MACF1: variants seen among roughly 807,000 people sequenced by gnomAD.
The protein encoded by MACF1 is microtubule-actin cross-linking factor 1.
A neutral mutation model predicts 854.8 loss-of-function variants in MACF1; 193 were observed. That is an observed-to-expected ratio of 0.23 (90% CI 0.20 to 0.25). The LOEUF (loss-of-function observed/expected upper bound fraction) is 0.25. Among genes scored for constraint, MACF1 ranks in the 10% least tolerant of loss-of-function variants. The pLI, the probability that MACF1 is intolerant of heterozygous loss-of-function variation, is 1.00. For synonymous variants in MACF1, 3,185 were observed against 3,226.7 expected, an observed-to-expected ratio of 0.99 and a Z score of 0.44; for missense variants, 7,722 against 8,929.1, an observed-to-expected ratio of 0.86 and a Z score of 5.45.
rs1023658745 is a variant in MACF1, at chr1:39,316,424, A to G, written c.3483A>G (p.Ile1161Met). ...LKTVDVIVRS[I>M]QDAELLVKGY... ...CAGTTGATGTTATAGTACGTAGCAT[A>G]CAGGATGCTGAACTCTTGGTCAAAG... is the stretch of plus-strand genomic sequence containing the variant. Residue 1161 changes from isoleucine (I) to methionine (M), a missense_variant, in exon 28 of 101, where the codon ATA becomes ATG. By Grantham distance (10) the Ile-to-Met change is conservative. Coordinates refer to ENST00000564288, the MANE Select transcript of MACF1 (RefSeq NM_001394062.1). 4 of 1,613,812 alleles carry G rather than the reference A, an allele frequency of 2.5e-6. No individual in the cohort carries two copies. Among genetic ancestry groups the G allele is most frequent in the Non-Finnish European group, 3.4e-6 (4 of 1,179,856 alleles).
intron 6 of MACF1, chr1:39,260,286 C>T: frequency 6.6e-6 from 1 of 151,816 alleles, no homozygotes; most frequent in East Asian, 1.9e-4. Flanking sequence ...AATTCTTAAT[C>T]TCCCCTAGGA....
chr1:39,105,691 A>T lies in MACF1; in HGVS notation c.220+21253A>T. 8.1e-7 allele frequency: 1 copy of T among 1,231,626 alleles called. No individual in the cohort carries two copies. Among genetic ancestry groups the T allele is most frequent in the Non-Finnish European group, 1.0e-6 (1 of 959,862 alleles). 76.3% of individuals were successfully genotyped at this position (1,231,626 alleles called of 1,614,324 possible). The stretch of plus-strand genomic sequence containing the variant: ...CAGGAGAAGGAGTTCGTGCAGGCGT[A>T]CGAGGATGTGCTGGAGCGGTACAAA... On this transcript the variant is annotated intron_variant, in intron 2 of 93. Transcript: ENST00000361689. This position sits in a 1 kb window ranked among gnomAD's most constrained non-coding sequence, Gnocchi z 5.9.
intron 11 of MACF1, 38 bp downstream of exon 11, chr1:39,284,466 C>T: frequency 7.4e-7 from 1 of 1,352,392 alleles, no homozygotes; most frequent in South Asian, 1.4e-5. Context: ...TTGGGGTTTG[C>T]TGGTCTGTAC....
At chr1:39,156,747 C>T (rs1643696613) in intron 2 of MACF1, among the ~76,000 whole-genome samples, 1 of 152,190 alleles carries the variant, frequency 6.6e-6, no homozygotes, top group Admixed American at 6.5e-5. Context: ...CTATATCCTA[C>T]TGTCTAATTT....
chr1:39,395,297 A>G (rs1184713465), intron 58 of MACF1, among the ~76,000 whole-genome samples: 2 of 152,216 alleles, frequency 1.3e-5, no homozygotes, highest in Non-Finnish European at 2.9e-5. Context: ...ATTGCCACCT[A>G]TACATGGGAA....
upstream of MACF1, among the ~76,000 whole-genome samples, chr1:39,200,559 C>A (rs367672048): frequency 1.3e-5 from 2 of 151,866 alleles, no homozygotes; most frequent in Non-Finnish European, 2.9e-5. Context: ...ATTAGCCGGG[C>A]GTGGTGGTGG....
intron 28 of MACF1, 73 bp from the exon 29 acceptor site, chr1:39,317,141 G>T (rs995539130): frequency 1.9e-5 from 28 of 1,454,960 alleles, no homozygotes; most frequent in Middle Eastern, 4.3e-4. Flanking sequence ...CCGTGTCCTT[G>T]TTTCCCACCT....
At position 39,287,529 on chromosome 1, in the gene MACF1, G is replaced by A. The variant is rs1395932046; in HGVS notation, c.1752G>A (p.Val584=). 9 of 1,614,084 alleles carry A rather than the reference G, an allele frequency of 5.6e-6. 1 individual carries two copies. The highest frequency in any genetic ancestry group is 7.6e-6 in the Non-Finnish European group (9 of 1,180,038). Residue 584 remains valine (V), a synonymous_variant, in exon 15 of 101, where the codon GTG becomes GTA. Transcript: ENST00000564288. ...SSEDEGNLRF[V]YELLSWVEEM... ...AAGATGAAGGCAATCTCCGATTTGT[G>A]TATGAACTACTGTCTTGGGTAGAAG...
intron 58 of MACF1, among the ~76,000 whole-genome samples, chr1:39,406,597 C>T (rs190819874): frequency 8.8e-4 from 133 of 151,912 alleles, no homozygotes; most frequent in African/African-American, 2.9e-3. Flanking sequence ...TAACTGGGTG[C>T]GGTGGCGCAT....
chr1:39,244,317 T>C (rs1644958160), intron 2 of MACF1, among the ~76,000 whole-genome samples: 2 of 152,042 alleles, frequency 1.3e-5, no homozygotes, highest in African/African-American at 4.8e-5. Flanking sequence ...AGTCGTGCAC[T>C]GTCACCCAGG....
chr1:39,465,590 G>A (rs1644651008), intron 95 of MACF1, among the ~76,000 whole-genome samples: 2 of 152,030 alleles, frequency 1.3e-5, no homozygotes, highest in South Asian at 4.2e-4. Flanking sequence ...TGTGGAGATC[G>A]TAATTGGCCG....
chr1:39,177,023 T>A (rs533870683), intron 2 of MACF1, among the ~76,000 whole-genome samples: 1 of 152,340 alleles, frequency 6.6e-6, no homozygotes, highest in South Asian at 2.1e-4. Flanking sequence ...TTCAAAGATA[T>A]ATTTGAGAAT....
intron 2 of MACF1, chr1:39,102,907 C>T: frequency 1.4e-6 from 1 of 702,288 alleles, no homozygotes; most frequent in South Asian, 1.5e-5. Context: ...TCCTTCTTCC[C>T]ATCCCCCCTG....
At chr1:39,452,558 C>T (rs559392011) in intron 86 of MACF1, 126 bp from the exon 87 acceptor site, 9 of 1,272,010 alleles carry the variant, frequency 7.1e-6, no homozygotes, top group African/African-American at 4.5e-5. Context: ...GAAAGATAAC[C>T]TTTGTGGAGT....
At chr1:39,141,721 A>T (rs1643349596) in intron 2 of MACF1, among the ~76,000 whole-genome samples, 1 of 152,198 alleles carries the variant, frequency 6.6e-6, no homozygotes, top group Non-Finnish European at 1.5e-5. Context: ...TAATAATTTT[A>T]AAAAGTACAA....
chr1:39,088,021 G>A (rs1641716583), intron 2 of MACF1, among the ~76,000 whole-genome samples: 1 of 151,896 alleles, frequency 6.6e-6, no homozygotes, highest in African/African-American at 2.4e-5. Context: ...GAGTGCAGTG[G>A]TGCAATCTCT....
intron 2 of MACF1, among the ~76,000 whole-genome samples, chr1:39,156,539 A>T (rs1378365377): frequency 1.3e-5 from 2 of 152,168 alleles, no homozygotes; most frequent in African/African-American, 4.8e-5. Flanking sequence ...GTATCGCTTG[A>T]GCCTGGGAGG....
At position 39,443,381 on chromosome 1, in the gene MACF1, G is replaced by A. The variant is rs900343770; in HGVS notation, c.19303-65G>A. On this transcript the variant is annotated intron_variant, in intron 78 of 100. Transcript: ENST00000564288. ...TCAAGATAAACTCCTCATATCATTT[G>A]GAAAGTTGACTTTTAAAGCTGAGAA... 1.2e-5 allele frequency: 19 copies of A among 1,524,526 alleles called. No individual in the cohort carries two copies. In the East Asian group the frequency reaches 3.6e-4, roughly 29 times the overall value. The allele number at this position is 1,524,526 out of a possible 1,614,324, so 94.4% of individuals were successfully genotyped here.
chr1:39,257,329 G>A (rs1299441826), intron 5 of MACF1, among the ~76,000 whole-genome samples: 1 of 151,528 alleles, frequency 6.6e-6, no homozygotes, highest in African/African-American at 2.4e-5. Context: ...TTGAGACGGA[G>A]TCTCACTCTG....
Sources: allele counts gnomAD v4.1 joint callset (sites outside exome capture counted in the v4.1 genomes callset), GRCh38; gene constraint gnomAD v4.1.1; non-coding constraint Gnocchi (gnomAD v3.1); transcripts MANE v1.5; gene names NCBI Gene and HGNC (gene_info 2026-07-23, HGNC 2026-07-21).